Variants in NOS1 observed in about 807,000 individuals in gnomAD.
NOS1 encodes the protein nitric oxide synthase 1.
NOS1 carries 51 observed loss-of-function variants against 164.5 expected under a neutral mutation model. That is an observed-to-expected ratio of 0.31 (90% CI 0.25 to 0.39). NOS1 has a LOEUF of 0.39. Among genes scored for constraint, NOS1 ranks in the 10% least tolerant of loss-of-function variants. The pLI, the probability that NOS1 is intolerant of heterozygous loss-of-function variation, is 1.00. For synonymous variants in NOS1, 719 were observed against 745.8 expected (o/e 0.96, Z 0.59); for missense variants, 1,362 against 1,885.6 (o/e 0.72, Z 5.14).
In NOS1 at chr12:117,208,670, C is replaced by T. The variant is rs1956480410; in HGVS notation, c.*6639G>A. 9 of 1,099,720 alleles carry T rather than the reference C, an allele frequency of 8.2e-6. No individual in the cohort carries two copies. The South Asian group carries it at 1.4e-4, about 17-fold the overall frequency. The allele number at this position is 1,099,720 out of a possible 1,614,324, so 68.1% of individuals were successfully genotyped here. A position where few individuals can be genotyped will look rare whatever the true frequency, so the allele number is the denominator to read the frequency against. On this transcript the variant is annotated 3_prime_UTR_variant, in exon 29 of 29. Transcript: ENST00000317775. ...CAGTGAGTCTTAATCAGAACCAACA[C>T]CAAGGACACAGTGTCTTATTGAAAC...
intron 20 of NOS1, among the ~76,000 whole-genome samples, chr12:117,239,722 T>G (rs1327895645): frequency 6.6e-6 from 1 of 152,078 alleles, no homozygotes; most frequent in African/African-American, 2.4e-5. Context: ...TTTTTTTTTT[T>G]TATAAGCCTT....
chr12:117,240,941 CTT>C (rs11398507), intron 20 of NOS1, among the ~76,000 whole-genome samples: 30 of 138,878 alleles, frequency 2.2e-4, no homozygotes, highest in Admixed American at 2.2e-4. Flanking sequence ...TTTTCTTTTT[CTT>C]TTTTTTTTTT....
chr12:117,306,764 T>G (rs1300681615), intron 3 of NOS1, among the ~76,000 whole-genome samples: 1 of 152,026 alleles, frequency 6.6e-6, no homozygotes, highest in Non-Finnish European at 1.5e-5. Context: ...AGATTACAGG[T>G]GCCTACCATC....
chr12:117,218,323 G>A (rs1956643694), intron 27 of NOS1, among the ~76,000 whole-genome samples, 159 bp from the exon 28 acceptor site: 1 of 152,238 alleles, frequency 6.6e-6, no homozygotes, highest in Admixed American at 6.5e-5. Context: ...CTTTGATCTC[G>A]AAGACTCTGC....
At chr12:117,353,037 C>T (rs1566088247) in intron 1 of NOS1, among the ~76,000 whole-genome samples, 2 of 148,558 alleles carry the variant, frequency 1.3e-5, no homozygotes, top group South Asian at 4.2e-4. Flanking sequence ...TCCATCTATC[C>T]ATCCATCCAT....
chr12:117,352,197 A>G (rs926001727), intron 1 of NOS1, among the ~76,000 whole-genome samples: 24 of 152,066 alleles, frequency 1.6e-4, no homozygotes, highest in Admixed American at 1.6e-3. Context: ...ACATACATAC[A>G]TACATACATA....
At chr12:117,351,797 G>C (rs1876631383) in intron 1 of NOS1, among the ~76,000 whole-genome samples, 1 of 152,246 alleles carries the variant, frequency 6.6e-6, no homozygotes. Flanking sequence ...CAAGGTTACA[G>C]AGTGAATAAA....
chr12:117,221,562 G>A (rs1956705848), intron 26 of NOS1, among the ~76,000 whole-genome samples: 2 of 151,918 alleles, frequency 1.3e-5, no homozygotes, highest in Admixed American at 1.3e-4. Flanking sequence ...GGGATTACAG[G>A]TGTGAACCAC....
intron 3 of NOS1, among the ~76,000 whole-genome samples, chr12:117,298,008 T>C (rs1424949224): frequency 6.6e-6 from 1 of 152,120 alleles, no homozygotes. Context: ...AATTTTTCCA[T>C]GGACTGGTGG....
rs1872897568 is a variant in NOS1 at position 117,272,892 on chromosome 12, C to T, written c.1665-333G>A. 6.6e-6 allele frequency among the ~76,000 whole-genome samples: 1 copy of T among 152,214 alleles called. No homozygotes were observed. The highest frequency in any genetic ancestry group is 1.5e-5 in the Non-Finnish European group (1 of 68,038). The stretch of plus-strand genomic sequence containing the variant: ...TCCCCCTTCCCCGACTGAGCACCCT[C>T]CTACCCTCAGGGCCTTTGCACAGGC... On this transcript the variant is annotated intron_variant, in intron 9 of 28. Coordinates refer to ENST00000317775, the MANE Select transcript of NOS1 (RefSeq NM_000620.5). This position sits in a 1 kb window ranked among gnomAD's most constrained non-coding sequence, Gnocchi z 4.3.
chr12:117,268,988 C>T (rs545308532), intron 10 of NOS1, among the ~76,000 whole-genome samples: 5 of 152,176 alleles, frequency 3.3e-5, no homozygotes, highest in Non-Finnish European at 7.3e-5. Flanking sequence ...AACCTACCAG[C>T]AGCAGGAAAC....
chr12:117,292,890 C>T (rs938992176), intron 3 of NOS1, among the ~76,000 whole-genome samples: 1 of 152,166 alleles, frequency 6.6e-6, no homozygotes, highest in Non-Finnish European at 1.5e-5. Context: ...CTGAATGAGC[C>T]ATTGCAATCG....
rs542406076 is a variant in NOS1, at chr12:117,258,840, G to A, written c.2472+186C>T. 7.2e-5 allele frequency among the ~76,000 whole-genome samples: 11 copies of A among 152,310 alleles called. No homozygotes were observed. The South Asian group carries it at 1.0e-3, about 14-fold the overall frequency. Reference sequence around the variant, plus strand: ...ACCAGGGACTTGCTAACTAATGGACGCCAGTAGACTGAGTACTTGGAATTG... The same window carrying A: ...ACCAGGGACTTGCTAACTAATGGACACCAGTAGACTGAGTACTTGGAATTG... On this transcript the variant is annotated intron_variant, in intron 15 of 28. Coordinates refer to ENST00000317775, the MANE Select transcript of NOS1 (RefSeq NM_000620.5).
intron 7 of NOS1, among the ~76,000 whole-genome samples, chr12:117,281,618 G>A (rs923630727): frequency 3.3e-5 from 5 of 150,280 alleles, no homozygotes; most frequent in Admixed American, 2.0e-4. Flanking sequence ...GGCGGATCAC[G>A]AGGACAAGAG....
intron 22 of NOS1, among the ~76,000 whole-genome samples, chr12:117,228,321 C>G (rs573293268): frequency 3.3e-5 from 5 of 152,264 alleles, no homozygotes; most frequent in African/African-American, 1.2e-4. Context: ...TTGCTCTAGA[C>G]AGTGTGTCCT....
rs1876880030 is a variant in NOS1, at chr12:117,356,925, A to G, written c.-421+4587T>C. Among the ~76,000 whole-genome samples the G allele has an allele frequency of 6.6e-6, 1 of 152,230 alleles. No individual in the cohort carries two copies. Among genetic ancestry groups the G allele is most frequent in the African/African-American group, 2.4e-5 (1 of 41,464 alleles). On this transcript the variant is annotated intron_variant, in intron 1 of 28. Coordinates refer to ENST00000317775, the MANE Select transcript of NOS1 (RefSeq NM_000620.5). The surrounding 1 kb of genome is among the most constrained non-coding windows in gnomAD (Gnocchi z 4.2). ...GAAGGCCGATGGGCTGTGGAAATGAACTCAAACCAATGGCTTTGGTGAAAT... is the reference window on the plus strand; with the variant it reads ...GAAGGCCGATGGGCTGTGGAAATGAGCTCAAACCAATGGCTTTGGTGAAAT...
At chr12:117,260,932 C>T (rs1391622414) in intron 13 of NOS1, among the ~76,000 whole-genome samples, 1 of 151,374 alleles carries the variant, frequency 6.6e-6, no homozygotes, top group Non-Finnish European at 1.5e-5. Flanking sequence ...CTTTGGGAGG[C>T]CGAGGCAGGT....
intron 3 of NOS1, among the ~76,000 whole-genome samples, chr12:117,304,032 C>T (rs1304183740): frequency 1.3e-5 from 2 of 152,036 alleles, no homozygotes; most frequent in African/African-American, 4.8e-5. Flanking sequence ...ATTAGCCGGG[C>T]GTGGCGGCGT....
At chr12:117,320,196 T>C (rs779731727) in intron 2 of NOS1, among the ~76,000 whole-genome samples, 4 of 152,158 alleles carry the variant, frequency 2.6e-5, no homozygotes, top group Non-Finnish European at 5.9e-5. Context: ...TGAACCTGTA[T>C]ATGTTTCCTT....
Sources: gnomAD v4.1 joint callset for allele counts (sites outside exome capture counted in the v4.1 genomes callset) on GRCh38, gnomAD v4.1.1 for gene constraint, Gnocchi (gnomAD v3.1) non-coding constraint, MANE v1.5 for transcripts, NCBI Gene and HGNC (gene_info 2026-07-23, HGNC 2026-07-21) for gene names.